The following ERCC6 variants were observed in gnomAD, a reference collection of about 807,000 sequenced individuals.
The protein encoded by ERCC6 is ERCC excision repair 6, chromatin remodeling factor.
A neutral mutation model predicts 158.7 loss-of-function variants in ERCC6; 116 were observed. The observed-to-expected ratio is 0.73, with a 90% confidence interval of 0.63 to 0.85. The LOEUF is 0.85. Among genes scored for constraint, ERCC6 ranks in the 40% least tolerant of loss-of-function variants. The probability of loss-of-function intolerance (pLI) is 0.00; values close to 1 mark genes in which losing one functional copy is unlikely to be tolerated. For missense variants in ERCC6, 1,698 were observed against 1,799.4 expected, an observed-to-expected ratio of 0.94 and a Z score of 1.02; for synonymous variants, 678 against 659.3, an observed-to-expected ratio of 1.03 and a Z score of -0.43.
At chr10:49,500,455 C>T (rs1851337193) in intron 7 of ERCC6, 83 bp downstream of exon 7, 5 of 1,471,230 alleles carry the variant, frequency 3.4e-6, no homozygotes, top group South Asian at 2.3e-5. Flanking sequence ...ATCAATAATT[C>T]ACAAGACCCT....
In ERCC6 at chr10:49,511,581, T is replaced by C. The variant is rs1836819242; in HGVS notation, c.1398-5569A>G. 2.0e-5 allele frequency among the ~76,000 whole-genome samples: 3 copies of C among 152,262 alleles called. No individual in the cohort carries two copies. The South Asian group carries it at 6.2e-4, about 32-fold the overall frequency. ...CTAGGACTACAGGCATGCGCCACCA[T>C]GTCCGGCTAAGTTTTGTATTTTTTG... On this transcript the variant is annotated intron_variant, in intron 5 of 20. Coordinates refer to ENST00000355832, the MANE Select transcript of ERCC6 (RefSeq NM_000124.4).
At chr10:49,529,978 G>C (rs888741234) in intron 3 of ERCC6, among the ~76,000 whole-genome samples, 3 of 152,060 alleles carry the variant, frequency 2.0e-5, no homozygotes, top group African/African-American at 7.2e-5. Flanking sequence ...GTGTGGCTGG[G>C]TGCTGACTGT....
intron 8 of ERCC6, among the ~76,000 whole-genome samples, chr10:49,491,738 C>A (rs575705047): frequency 6.6e-6 from 1 of 152,128 alleles, no homozygotes; most frequent in Non-Finnish European, 1.5e-5. Context: ...CACTTTACTA[C>A]CCCAAAAGAA....
chr10:49,466,486 G>A (rs1309237348), intron 18 of ERCC6, among the ~76,000 whole-genome samples: 12 of 152,184 alleles, frequency 7.9e-5, no homozygotes, highest in Admixed American at 7.9e-4. Flanking sequence ...GCTTATTAGA[G>A]TGTAACTGAT....
chr10:49,493,161 T>C lies in ERCC6; in HGVS notation c.1777A>G (p.Arg593Gly), dbSNP rs768188064. Residue 593 changes from arginine to glycine, a missense_variant, in exon 8 of 21, where the codon AGA (arginine) becomes GGA (glycine). Physicochemically the swap from Arg to Gly is moderately radical, Grantham distance 125 (BLOSUM62 -2). Coordinates refer to ENST00000355832, the MANE Select transcript of ERCC6 (RefSeq NM_000124.4). ...KEFHTWWPPF[R>G]VAILHETGSY... ...CCGGTTTCATGTAGAATTGCCACTC[T>C]GAACGGAGGCCACCACGTGTGAAAT... 1.9e-5 allele frequency: 31 copies of C among 1,614,078 alleles called. No homozygotes were observed. Among genetic ancestry groups the C allele is most frequent in the Non-Finnish European group, 2.5e-5 (30 of 1,180,026 alleles).
At chr10:49,511,455 C>T (rs199692102) in intron 5 of ERCC6, among the ~76,000 whole-genome samples, 2 of 148,182 alleles carry the variant, frequency 1.3e-5, no homozygotes, top group East Asian at 4.0e-4. Context: ...GACAAAGTCT[C>T]ACTCTGTCAC....
At chr10:49,535,719 A>G (rs939462781) in intron 1 of ERCC6, among the ~76,000 whole-genome samples, 1 of 152,278 alleles carries the variant, frequency 6.6e-6, no homozygotes, top group African/African-American at 2.4e-5. Flanking sequence ...AAGGTTAAAA[A>G]TAAAGAAGTT....
Position 49,459,239 on chromosome 10 carries a change from A to G in ERCC6, c.4063-5T>C, listed in dbSNP as rs186482480. 2.4e-5 allele frequency: 38 copies of G among 1,613,808 alleles called. No homozygotes were observed. The African/African-American group carries it at 4.5e-4, about 19-fold the overall frequency. On this transcript the variant is annotated splice_polypyrimidine_tract_variant and splice_region_variant and intron_variant, in intron 20 of 20. Transcript: ENST00000355832. The stretch of plus-strand genomic sequence containing the variant: ...CTCCTTTTTCATGATGCCATCCTAT[A>G]AAAAGAAGACCACTATACTGATATA...
At chr10:49,467,698 T>G (rs949045761) in intron 18 of ERCC6, among the ~76,000 whole-genome samples, 9 of 151,940 alleles carry the variant, frequency 5.9e-5, no homozygotes, top group African/African-American at 2.2e-4. Flanking sequence ...CGCAAGTAGC[T>G]GGGACCACAG....
chr10:49,473,070 C>T, intron 14 of ERCC6, 42 bp from the exon 15 acceptor site: 2 of 1,613,452 alleles, frequency 1.2e-6, no homozygotes, highest in Non-Finnish European at 1.7e-6. Flanking sequence ...ACACTTAAGA[C>T]CAGTTACAGT....
chr10:49,475,359 T>C (rs1050466084), intron 12 of ERCC6: 12 of 435,692 alleles, frequency 2.8e-5, no homozygotes, highest in Non-Finnish European at 5.1e-5. Flanking sequence ...ATGTGACTAC[T>C]AGAAAATTTA....
rs1165934609 is a variant in ERCC6 at position 49,455,099 on chromosome 10, C to T, written c.*3716G>A. ...TAAAACTTCCGTATGATAAACATCACAAAATAGATATGTGAATATGCTAAT... is the reference window on the plus strand; with the variant it reads ...TAAAACTTCCGTATGATAAACATCATAAAATAGATATGTGAATATGCTAAT... On this transcript the variant is annotated 3_prime_UTR_variant, in exon 21 of 21. Transcript: ENST00000355832. 6.6e-6 allele frequency among the ~76,000 whole-genome samples: 1 copy of T among 151,970 alleles called. No homozygotes were observed. The highest frequency in any genetic ancestry group is 6.6e-5 in the Admixed American group (1 of 15,260).
chr10:49,470,971 A>T lies in ERCC6; in HGVS notation c.3070+4T>A. 1 of 1,614,010 alleles carries T rather than the reference A, an allele frequency of 6.2e-7. No individual in the cohort carries two copies. The highest frequency in any genetic ancestry group is 2.2e-5 in the East Asian group (1 of 44,870). On this transcript the variant is annotated splice_donor_region_variant and intron_variant, in intron 17 of 20. Coordinates refer to ENST00000355832, the MANE Select transcript of ERCC6 (RefSeq NM_000124.4). ...ACTTTAAATTAAATGATTTTATGTAATACCTGCAAAAATTGCACTTGTTTC... is the reference window on the plus strand; with the variant it reads ...ACTTTAAATTAAATGATTTTATGTATTACCTGCAAAAATTGCACTTGTTTC...
the ERCC6 span, among the ~76,000 whole-genome samples, chr10:49,443,322 G>A: frequency 9.9e-5 from 15 of 152,102 alleles, no homozygotes; most frequent in African/African-American, 2.9e-4. Context: ...AAAAGTACAC[G>A]CAAAAAAACT....
rs1294289633 is a variant in ERCC6 at position 49,532,871 on chromosome 10, T to C, written c.94A>G (p.Lys32Glu). Residue 32 changes from lysine to glutamate, a missense_variant, in exon 2 of 21, where the codon AAG (lysine) becomes GAG (glutamate). Lys to Glu is a moderately conservative substitution (Grantham distance 56, BLOSUM62 1). Transcript: ENST00000355832. ...TCCCCATCACCACCACTTTCTTGCT[T>C]GATTGCCATTTCTTCATTATTACTG... ...PVSNNEEMAI[K>E]QESGGDGEVE... The C allele has an allele frequency of 1.2e-6, 2 of 1,614,242 alleles. No individual in the cohort carries two copies. Among genetic ancestry groups the C allele is most frequent in the Non-Finnish European group, 1.7e-6 (2 of 1,180,044 alleles).
chr10:49,471,811 G>A (rs1014554539), intron 16 of ERCC6, among the ~76,000 whole-genome samples: 2 of 152,208 alleles, frequency 1.3e-5, no homozygotes, highest in African/African-American at 4.8e-5. Flanking sequence ...CTGGGCTATG[G>A]CTCAAGGATA....
chr10:49,466,102 C>G (rs1379271929), intron 18 of ERCC6, among the ~76,000 whole-genome samples: 1 of 152,038 alleles, frequency 6.6e-6, no homozygotes, highest in Admixed American at 6.5e-5. Flanking sequence ...ATAAATTAAC[C>G]TAACTGTATT....
chr10:49,450,775 A>T (rs1850410571), downstream of ERCC6, among the ~76,000 whole-genome samples: 1 of 151,252 alleles, frequency 6.6e-6, no homozygotes, highest in African/African-American at 2.4e-5. Context: ...AATATTCTTA[A>T]TTTCATTTTT....
chr10:49,523,517 T>C (rs1472706904), intron 5 of ERCC6, among the ~76,000 whole-genome samples: 1 of 152,250 alleles, frequency 6.6e-6, no homozygotes, highest in Non-Finnish European at 1.5e-5. Context: ...CTTATAATTA[T>C]GCAGATGACT....
Sources: allele counts gnomAD v4.1 joint callset (sites outside exome capture counted in the v4.1 genomes callset), GRCh38; gene constraint gnomAD v4.1.1; transcripts MANE v1.5; gene names NCBI Gene and HGNC (gene_info 2026-07-23, HGNC 2026-07-21).